Variants in CALN1 observed in about 807,000 individuals in gnomAD.
CALN1 encodes calcium-binding protein 8.
In CALN1, 17 loss-of-function variants were observed where a neutral mutation model predicts 30.6. The ratio of observed to expected loss-of-function variants is 0.56; its 90% CI spans 0.38 to 0.83. The LOEUF is 0.83. CALN1 is among the 40% of genes least tolerant of loss of function. The probability of loss-of-function intolerance (pLI) is 0.00; values close to 1 mark genes in which losing one functional copy is unlikely to be tolerated. For synonymous variants in CALN1, 156 were observed against 131.4 expected (o/e 1.19, Z -1.28); for missense variants, 291 against 354.9 (o/e 0.82, Z 1.45).
intron 2 of CALN1, among the ~76,000 whole-genome samples, chr7:72,312,394 G>GGAA (rs1554364776): frequency 6.5e-4 from 47 of 71,830 alleles, no homozygotes; most frequent in African/African-American, 2.0e-3. Flanking sequence ...CTTCATCTCA[G>GGAA]AAAAAAAAAA....
chr7:72,303,181 G>C (rs1005837009), intron 2 of CALN1, among the ~76,000 whole-genome samples: 3 of 152,170 alleles, frequency 2.0e-5, no homozygotes, highest in African/African-American at 7.2e-5. Context: ...CAAGAAATGA[G>C]AGAAAATGAG....
chr7:71,914,892 G>A (rs1794608730), intron 5 of CALN1, among the ~76,000 whole-genome samples: 1 of 151,918 alleles, frequency 6.6e-6, no homozygotes. Context: ...TTTTTATTAT[G>A]CATCCAACAA....
intron 5 of CALN1, 142 bp downstream of exon 5, chr7:72,023,515 T>A (rs2129530224): frequency 2.0e-6 from 1 of 510,480 alleles, no homozygotes; most frequent in South Asian, 5.3e-5. Context: ...AGTAGTTGTT[T>A]TGATTCTTTG....
At chr7:72,089,274 T>G (rs1805691835) in intron 4 of CALN1, among the ~76,000 whole-genome samples, 1 of 152,052 alleles carries the variant, frequency 6.6e-6, no homozygotes, top group African/African-American at 2.4e-5. Flanking sequence ...CACAAAAAAT[T>G]TTACGGCCAT....
intron 1 of CALN1, among the ~76,000 whole-genome samples, chr7:72,406,833 C>T (rs1806732559): frequency 6.6e-6 from 1 of 152,108 alleles, no homozygotes; most frequent in Admixed American, 6.6e-5. Context: ...CCAGGCTGGT[C>T]TTGAACTTCT....
chr7:71,939,854 C>T (rs536095701), intron 5 of CALN1, among the ~76,000 whole-genome samples: 2 of 152,254 alleles, frequency 1.3e-5, no homozygotes, highest in African/African-American at 4.8e-5. Context: ...GAAATCCATA[C>T]TCTTGCCAAA....
intron 4 of CALN1, among the ~76,000 whole-genome samples, chr7:72,098,006 G>T: frequency 6.6e-6 from 1 of 152,162 alleles, no homozygotes; most frequent in Non-Finnish European, 1.5e-5. Context: ...GAGCCACCAC[G>T]CCCGGCCTTT....
chr7:72,317,360 G>T (rs143304115), intron 2 of CALN1, among the ~76,000 whole-genome samples: 170 of 152,316 alleles, frequency 1.1e-3, no homozygotes, highest in African/African-American at 3.9e-3. Flanking sequence ...TTTTCTCCTG[G>T]GGAAATCCCT....
intron 5 of CALN1, among the ~76,000 whole-genome samples, chr7:71,975,521 G>A (rs2129526718): frequency 6.6e-6 from 1 of 152,032 alleles, no homozygotes; most frequent in South Asian, 2.1e-4. Context: ...CCAACTCCTG[G>A]GCTCAGGAAA....
intron 5 of CALN1, among the ~76,000 whole-genome samples, chr7:71,873,186 T>C (rs1792045597): frequency 6.6e-6 from 1 of 151,794 alleles, no homozygotes; most frequent in Non-Finnish European, 1.5e-5. Context: ...TTATTTTTAG[T>C]AGAGACAGGG....
chr7:72,337,272 C>G lies in CALN1; in HGVS notation c.120-58462G>C, dbSNP rs1585531465. 3 of 985,220 alleles carry G rather than the reference C, an allele frequency of 3.0e-6. No homozygotes were observed. In the African/African-American group the frequency reaches 5.2e-5, roughly 17 times the overall value. The allele number at this position is 985,220 out of a possible 1,614,324, so 61.0% of individuals were successfully genotyped here. The stretch of plus-strand genomic sequence containing the variant: ...CCGGCGCCCGCGTTCAGGAGCCGGG[C>G]TTCTGGGCTCGCCTTGGCCGCCTGC... On this transcript the variant is annotated intron_variant, in intron 2 of 6. Coordinates refer to ENST00000395275, the MANE Select transcript of CALN1 (RefSeq NM_031468.4).
intron 3 of CALN1, among the ~76,000 whole-genome samples, chr7:72,248,518 T>C (rs1376128757): frequency 1.3e-5 from 2 of 152,164 alleles, no homozygotes; most frequent in Admixed American, 1.3e-4. Flanking sequence ...TTTCTCCTTC[T>C]TTCTCTCTTC....
Position 71,921,826 on chromosome 7 carries a change from TC to T in CALN1, c.501+101830del, listed in dbSNP as rs1034972798. Among the ~76,000 whole-genome samples, 10 of 150,794 alleles carry T rather than the reference TC, an allele frequency of 6.6e-5. 1 individual carries two copies. The Middle Eastern group carries it at 9.5e-3, about 143-fold the overall frequency. ...CCTTTCTCACTGTACCTCTGCACCA[TC>T]CCCCCCGCCGCCATCCTACCCCCTT... On this transcript the variant is annotated intron_variant, in intron 5 of 6. Transcript: ENST00000395275.
chr7:72,020,536 T>C (rs1392926778), intron 5 of CALN1, among the ~76,000 whole-genome samples: 1 of 152,192 alleles, frequency 6.6e-6, no homozygotes, highest in Non-Finnish European at 1.5e-5. Flanking sequence ...AATTGATGGA[T>C]GTTTTTGTTC....
chr7:72,335,628 G>A (rs1801969276), intron 2 of CALN1, among the ~76,000 whole-genome samples: 1 of 152,202 alleles, frequency 6.6e-6, no homozygotes, highest in Non-Finnish European at 1.5e-5. Context: ...GATGGCTGGC[G>A]CCCCAGTCTT....
chr7:72,321,844 C>T (rs911294029), intron 2 of CALN1, among the ~76,000 whole-genome samples: 5 of 152,146 alleles, frequency 3.3e-5, no homozygotes, highest in African/African-American at 1.2e-4. Flanking sequence ...GTCTGTCCTC[C>T]TGAGCAGACC....
At chr7:71,855,974 TATATACACACACATAC>T (rs1292140622) in intron 5 of CALN1, among the ~76,000 whole-genome samples, 3 of 152,160 alleles carry the variant, frequency 2.0e-5, no homozygotes, top group Non-Finnish European at 2.9e-5. Flanking sequence ...GCGTGCACAT[TATATACACACACATAC>T]ATATACATAT....
At chr7:72,458,266 CTATATTATATAATATATTT>C in the CALN1 span, among the ~76,000 whole-genome samples, 1,800 of 56,908 alleles carry the variant, frequency 0.032, 319 homozygotes, top group African/African-American at 0.15. Context: ...ATAATATATT[CTATATTATATAATATATTT>C]TATAATATAT....
Position 72,409,104 on chromosome 7 carries a change from T to C in CALN1, c.-74+2954A>G, listed in dbSNP as rs148006021. Among the ~76,000 whole-genome samples, 881 of 151,748 alleles carry C rather than the reference T, an allele frequency of 5.8e-3. 6 individuals carry two copies. The highest frequency in any genetic ancestry group is 0.02 in the African/African-American group (847 of 41,418). On this transcript the variant is annotated intron_variant, in intron 1 of 6. Transcript: ENST00000395275. ...TCCGCCTCCCGGATTCAAGAGATTC[T>C]CCTGACTCAGCCTCCCCAGTAGCTG...
Sources: gnomAD v4.1 joint callset for allele counts (sites outside exome capture counted in the v4.1 genomes callset) on GRCh38, gnomAD v4.1.1 for gene constraint, MANE v1.5 for transcripts, NCBI Gene and HGNC (gene_info 2026-07-23, HGNC 2026-07-21) for gene names.